The following CAPZA2 variants were observed in gnomAD, a reference collection of about 807,000 sequenced individuals.
CAPZA2 encodes the protein F-actin-capping protein subunit alpha-2.
A neutral mutation model predicts 44.0 loss-of-function variants in CAPZA2; 13 were observed. That is an observed-to-expected ratio of 0.30 (90% CI 0.19 to 0.47). The LOEUF is 0.47. CAPZA2 is among the 20% of genes least tolerant of loss of function. The pLI, the probability that CAPZA2 is intolerant of heterozygous loss-of-function variation, is 1.00. For missense variants in CAPZA2, 244 were observed against 338.6 expected (o/e 0.72, Z 2.19); for synonymous variants, 94 against 108.2 (o/e 0.87, Z 0.81).
At chr7:116,914,219 C>T (rs7791219) in intron 8 of CAPZA2, among the ~76,000 whole-genome samples, 8,304 of 151,092 alleles carry the variant, frequency 0.055, 784 homozygotes, top group African/African-American at 0.19. Flanking sequence ...TTAGTAGAGA[C>T]GGGGTTTCAC....
chr7:116,872,184 G>C (rs1164741625), intron 1 of CAPZA2, among the ~76,000 whole-genome samples: 1 of 151,956 alleles, frequency 6.6e-6, no homozygotes, highest in African/African-American at 2.4e-5. Context: ...TTACTACTTT[G>C]TTTTTTCCTG....
At chr7:116,862,918 C>CGGGCGG (rs1191219541) in intron 1 of CAPZA2, among the ~76,000 whole-genome samples, 1 of 150,432 alleles carries the variant, frequency 6.6e-6, no homozygotes, top group Non-Finnish European at 1.5e-5. Context: ...CGGGCGACGG[C>CGGGCGG]GGGCGGGGGC....
intron 1 of CAPZA2, among the ~76,000 whole-genome samples, chr7:116,877,368 T>G (rs964066209): frequency 1.3e-5 from 2 of 152,130 alleles, no homozygotes; most frequent in African/African-American, 2.4e-5. Context: ...TTCACCACAG[T>G]AGATAAAAAG....
At chr7:116,886,980 A>C (rs746336760) in intron 1 of CAPZA2, among the ~76,000 whole-genome samples, 24 of 152,228 alleles carry the variant, frequency 1.6e-4, no homozygotes, top group Non-Finnish European at 2.8e-4. Context: ...ACACCTGTTG[A>C]TGTTCAATCT....
chr7:116,880,580 A>G (rs1342681237), intron 1 of CAPZA2, among the ~76,000 whole-genome samples: 1 of 150,444 alleles, frequency 6.6e-6, no homozygotes, highest in African/African-American at 2.4e-5. Context: ...GTATTTTAGT[A>G]GAAACGGTTT....
At chr7:116,911,798 A>G (rs1265612264) in intron 7 of CAPZA2, among the ~76,000 whole-genome samples, 1 of 152,254 alleles carries the variant, frequency 6.6e-6, no homozygotes, top group Non-Finnish European at 1.5e-5. Context: ...GGTTTTAGAT[A>G]CCAGTAGAAT....
At chr7:116,888,906 G>A (rs1304333806) in intron 2 of CAPZA2, among the ~76,000 whole-genome samples, 5 of 152,066 alleles carry the variant, frequency 3.3e-5, no homozygotes, top group South Asian at 4.1e-4. Context: ...AGGAATTTTT[G>A]TATTTCTTTT....
At chr7:116,879,549 T>C (rs1421137773) in intron 1 of CAPZA2, among the ~76,000 whole-genome samples, 1 of 152,126 alleles carries the variant, frequency 6.6e-6, no homozygotes, top group Non-Finnish European at 1.5e-5. Context: ...AATTAGATTC[T>C]CATAAGGAGT....
At chr7:116,894,221 G>A (rs1196168194) in intron 3 of CAPZA2, among the ~76,000 whole-genome samples, 1 of 152,124 alleles carries the variant, frequency 6.6e-6, no homozygotes, top group Non-Finnish European at 1.5e-5. Context: ...AATTAGCTGA[G>A]CATGGTGGCA....
At chr7:116,871,161 C>G (rs1186165850) in intron 1 of CAPZA2, among the ~76,000 whole-genome samples, 1 of 152,040 alleles carries the variant, frequency 6.6e-6, no homozygotes, top group Non-Finnish European at 1.5e-5. Context: ...GAAGCGTATA[C>G]TTTATACTTT....
Position 116,916,043 on chromosome 7 carries a change from G to GTT in CAPZA2, c.658-5_658-4dup, listed in dbSNP as rs749652713. ...AGTTTTAAATTACTATTTTTATTTT[G>GTT]TTTTTTTTTTTTTCAGAATGAAGTG... On this transcript the variant is annotated splice_polypyrimidine_tract_variant and intron_variant, in intron 8 of 9. Coordinates refer to ENST00000361183, the MANE Select transcript of CAPZA2 (RefSeq NM_006136.3). 4.0e-3 allele frequency: 4,679 copies of GTT among 1,156,292 alleles called. No individual in the cohort carries two copies. The highest frequency in any genetic ancestry group is 9.8e-3 in the South Asian group (595 of 60,626). 71.6% of individuals were successfully genotyped at this position (1,156,292 alleles called of 1,614,324 possible).
intron 1 of CAPZA2, chr7:116,886,214 G>T (rs189042059): frequency 6.5e-6 from 1 of 154,538 alleles, no homozygotes; most frequent in Non-Finnish European, 1.5e-5. Context: ...CACTTTTTAG[G>T]TGAGATAGCT....
intron 2 of CAPZA2, among the ~76,000 whole-genome samples, chr7:116,892,135 A>G (rs969370967): frequency 1.3e-5 from 2 of 152,074 alleles, no homozygotes; most frequent in Admixed American, 1.3e-4. Context: ...AGTGTACATT[A>G]TTTTTCATGG....
intron 2 of CAPZA2, among the ~76,000 whole-genome samples, chr7:116,890,122 A>G (rs546924172): frequency 1.1e-4 from 16 of 152,320 alleles, no homozygotes; most frequent in African/African-American, 3.4e-4. Context: ...AATTTTCTAC[A>G]TACTTTTCTT....
At chr7:116,865,283 T>C (rs147042219) in intron 1 of CAPZA2, among the ~76,000 whole-genome samples, 8,157 of 145,434 alleles carry the variant, frequency 0.056, 770 homozygotes, top group African/African-American at 0.2. Flanking sequence ...CCTCCGGGGC[T>C]GAAGCGATTC....
intron 1 of CAPZA2, among the ~76,000 whole-genome samples, chr7:116,879,743 T>C (rs1183281548): frequency 6.6e-6 from 1 of 152,164 alleles, no homozygotes; most frequent in Non-Finnish European, 1.5e-5. Context: ...GTCTGTGGCC[T>C]GGGGTTTGGG....
At chr7:116,876,843 G>A (rs139104818) in intron 1 of CAPZA2, among the ~76,000 whole-genome samples, 2 of 152,224 alleles carry the variant, frequency 1.3e-5, no homozygotes, top group Non-Finnish European at 2.9e-5. Context: ...AGCACACCAC[G>A]CAGGCCCACA....
At chr7:116,904,108 T>C in intron 4 of CAPZA2, 69 bp from the exon 5 acceptor site, 2 of 890,440 alleles carry the variant, frequency 2.2e-6, no homozygotes, top group Non-Finnish European at 3.6e-6. Flanking sequence ...TAAATGAGTG[T>C]AATTATGATG....
At chr7:116,897,552 G>T (rs1205656177) in intron 3 of CAPZA2, among the ~76,000 whole-genome samples, 1 of 152,094 alleles carries the variant, frequency 6.6e-6, no homozygotes, top group Non-Finnish European at 1.5e-5. Flanking sequence ...TTCAGTGGAC[G>T]CCTGGCCATC....
Sources: gnomAD v4.1 joint callset for allele counts (sites outside exome capture counted in the v4.1 genomes callset) on GRCh38, gnomAD v4.1.1 for gene constraint, MANE v1.5 for transcripts, NCBI Gene and HGNC (gene_info 2026-07-23, HGNC 2026-07-21) for gene names.